The following UBE3A variants were observed in gnomAD, a reference collection of about 807,000 sequenced individuals.
UBE3A encodes ubiquitin-protein ligase E3A.
In UBE3A, 6 loss-of-function variants were observed where a neutral mutation model predicts 83.4. The observed-to-expected ratio is 0.07, with a 90% CI of 0.04 to 0.14. The LOEUF (loss-of-function observed/expected upper bound fraction) is 0.14. UBE3A is among the 10% of genes least tolerant of loss of function. UBE3A has a pLI of 1.00. For synonymous variants in UBE3A, 337 were observed against 355.4 expected, an observed-to-expected ratio of 0.95 and a Z score of 0.58; for missense variants, 456 against 1,036.1, an observed-to-expected ratio of 0.44 and a Z score of 7.69.
intron 11 of UBE3A, among the ~76,000 whole-genome samples, chr15:25,352,012 G>C (rs1054279102): frequency 2.0e-5 from 3 of 152,074 alleles, no homozygotes; most frequent in Non-Finnish European, 4.4e-5. Flanking sequence ...TGGCCAACAT[G>C]GCAAAACCCT....
At chr15:25,428,479 T>C (rs1237365336) in intron 1 of UBE3A, among the ~76,000 whole-genome samples, 1 of 152,140 alleles carries the variant, frequency 6.6e-6, no homozygotes, top group African/African-American at 2.4e-5. Context: ...ATGGGCAGGA[T>C]TTTATATTTT....
At chr15:25,357,453 A>C (rs1433307013) in intron 7 of UBE3A, 1 of 153,736 alleles carries the variant, frequency 6.5e-6, no homozygotes, top group East Asian at 1.9e-4. Flanking sequence ...GGTTCAAACA[A>C]TTCTCCTGCC....
intron 1 of UBE3A, among the ~76,000 whole-genome samples, chr15:25,435,379 G>C (rs1394130144): frequency 6.6e-6 from 1 of 152,132 alleles, no homozygotes; most frequent in Non-Finnish European, 1.5e-5. Flanking sequence ...ATAAATGTTA[G>C]TTGATCATTT....
intron 4 of UBE3A, among the ~76,000 whole-genome samples, chr15:25,400,177 C>G (rs1433247719): frequency 6.6e-6 from 1 of 152,202 alleles, no homozygotes; most frequent in Non-Finnish European, 1.5e-5. Context: ...TTTGTATCAT[C>G]TTCAATTTCT....
chr15:25,372,178 TA>T (rs1201142254), intron 5 of UBE3A, among the ~76,000 whole-genome samples: 1 of 152,196 alleles, frequency 6.6e-6, no homozygotes, highest in Non-Finnish European at 1.5e-5. Context: ...ATACAGCTCT[TA>T]AAACCTCACT....
rs905016478 is a variant in UBE3A at position 25,337,056 on chromosome 15, ATTT to A, written c.*2078_*2080del. 6.6e-6 allele frequency: 1 copy of A among 151,778 alleles called. No homozygotes were observed. Among genetic ancestry groups the A allele is most frequent in the African/African-American group, 2.4e-5 (1 of 41,278 alleles). 9.4% of individuals were successfully genotyped at this position (151,778 alleles called of 1,614,324 possible). ...GAGCAGCTATTCTGTGCAACCGACGATTTTTTTTCTCTAAAATTTTAAGGGTAG... is the reference window on the plus strand; with the variant it reads ...GAGCAGCTATTCTGTGCAACCGACGATTTTTCTCTAAAATTTTAAGGGTAG... On this transcript the variant is annotated 3_prime_UTR_variant, in exon 13 of 13. Coordinates refer to ENST00000648336, the MANE Select transcript of UBE3A (RefSeq NM_130839.5).
chr15:25,385,481 T>C (rs2082952212), intron 4 of UBE3A, among the ~76,000 whole-genome samples: 1 of 152,018 alleles, frequency 6.6e-6, no homozygotes, highest in Non-Finnish European at 1.5e-5. Flanking sequence ...GGAACCCTTA[T>C]GCACCACTGG....
chr15:25,393,878 G>C (rs1217486828), intron 4 of UBE3A: 1 of 152,056 alleles, frequency 6.6e-6, no homozygotes, highest in East Asian at 1.9e-4. Context: ...GAAAGCAAAG[G>C]GCCTTAGCGT....
At chr15:25,351,468 A>G (rs1205302581) in intron 11 of UBE3A, among the ~76,000 whole-genome samples, 1 of 152,136 alleles carries the variant, frequency 6.6e-6, no homozygotes, top group East Asian at 1.9e-4. Flanking sequence ...ATAAACTCTG[A>G]ATCTGTTTTT....
At chr15:25,437,974 T>G (rs1406842672) in intron 1 of UBE3A, 1 of 152,342 alleles carries the variant, frequency 6.6e-6, no homozygotes, top group Non-Finnish European at 1.5e-5. Flanking sequence ...GAGTAACCTG[T>G]GCGCACAACC....
In UBE3A at chr15:25,365,087, CTTCT is replaced by C. The variant is rs1332846833; in HGVS notation, c.1609-4564_1609-4561del. ...CTACCTCTTCACTGCGTAACTTCCT[CTTCT>C]TTAAGACTCTTGATTTCATCAATTG... On this transcript the variant is annotated intron_variant, in intron 6 of 12. Transcript: ENST00000648336. Among the ~76,000 whole-genome samples, 16 of 152,236 alleles carry C rather than the reference CTTCT, an allele frequency of 1.1e-4. No individual in the cohort carries two copies. The East Asian group carries it at 2.3e-3, about 22-fold the overall frequency.
intron 1 of UBE3A, among the ~76,000 whole-genome samples, chr15:25,423,008 T>C (rs1293088235): frequency 2.0e-5 from 3 of 151,830 alleles, no homozygotes; most frequent in Non-Finnish European, 4.4e-5. Flanking sequence ...TTGTAATATA[T>C]ATATGAGATC....
rs113425723 is a variant in UBE3A, at chr15:25,336,154, AC to A, written c.*2982del. The A allele has an allele frequency of 0.039, 5,959 of 152,254 alleles. 137 individuals are homozygous for A. The highest frequency in any genetic ancestry group is 0.043 in the Non-Finnish European group (2,895 of 68,016). 9.4% of individuals were successfully genotyped at this position (152,254 alleles called of 1,614,324 possible). The stretch of plus-strand genomic sequence containing the variant: ...CTACCCTCCCCAGGCAATTCTTTAC[AC>A]ACTAACACTGTTGAGGTAAAAGGAG... On this transcript the variant is annotated 3_prime_UTR_variant, in exon 13 of 13. Transcript: ENST00000648336.
At chr15:25,414,418 G>A (rs759004231) in intron 1 of UBE3A, among the ~76,000 whole-genome samples, 1 of 152,150 alleles carries the variant, frequency 6.6e-6, no homozygotes, top group Non-Finnish European at 1.5e-5. Flanking sequence ...ATGTGGTGAA[G>A]GAAATGGGCA....
chr15:25,392,448 G>A (rs552914943), intron 4 of UBE3A, among the ~76,000 whole-genome samples: 4 of 152,082 alleles, frequency 2.6e-5, no homozygotes, highest in Non-Finnish European at 5.9e-5. Context: ...CCTTTGGACA[G>A]TTTCATCTTT....
chr15:25,366,645 T>G (rs2079145434), intron 6 of UBE3A, among the ~76,000 whole-genome samples: 1 of 152,198 alleles, frequency 6.6e-6, no homozygotes, highest in African/African-American at 2.4e-5. Context: ...CACATCATCA[T>G]CATCCTCTAT....
chr15:25,390,595 A>G (rs1005068686), intron 4 of UBE3A, among the ~76,000 whole-genome samples: 1 of 152,204 alleles, frequency 6.6e-6, no homozygotes, highest in Non-Finnish European at 1.5e-5. Context: ...TTAGAGACAC[A>G]GTAAAAGGAT....
At chr15:25,413,401 A>C (rs1276011732) in intron 1 of UBE3A, among the ~76,000 whole-genome samples, 1 of 151,962 alleles carries the variant, frequency 6.6e-6, no homozygotes, top group Non-Finnish European at 1.5e-5. Flanking sequence ...ATAACACCCA[A>C]CACTTCTGTT....
intron 4 of UBE3A, among the ~76,000 whole-genome samples, chr15:25,383,474 T>C (rs2082556486): frequency 6.6e-6 from 1 of 151,938 alleles, no homozygotes; most frequent in Non-Finnish European, 1.5e-5. Flanking sequence ...CTGTCTCTAC[T>C]AAAAATACAA....
Sources: gnomAD v4.1 joint callset for allele counts (sites outside exome capture counted in the v4.1 genomes callset) on GRCh38, gnomAD v4.1.1 for gene constraint, MANE v1.5 for transcripts, NCBI Gene and HGNC (gene_info 2026-07-23, HGNC 2026-07-21) for gene names.